The following NEDD4L variants were observed in gnomAD, a reference collection of about 807,000 sequenced individuals.
NEDD4L encodes E3 ubiquitin-protein ligase NEDD4-like.
NEDD4L carries 54 observed loss-of-function variants against 148.9 expected under a neutral mutation model. The observed-to-expected ratio is 0.36, with a 90% confidence interval of 0.29 to 0.45. The LOEUF is 0.45. NEDD4L is among the 20% of genes least tolerant of loss of function. NEDD4L has a pLI of 1.00. For synonymous variants in NEDD4L, 433 were observed against 440.7 expected (o/e 0.98, Z 0.22); for missense variants, 856 against 1,233.8 (o/e 0.69, Z 4.59).
chr18:58,396,005 G>A (rs2050449349), intron 30 of NEDD4L, among the ~76,000 whole-genome samples, 162 bp from the exon 31 acceptor site: 1 of 152,148 alleles, frequency 6.6e-6, no homozygotes, highest in Non-Finnish European at 1.5e-5. Flanking sequence ...CTTATTTAGT[G>A]TGGATGTTTC....
intron 2 of NEDD4L, among the ~76,000 whole-genome samples, chr18:58,180,745 A>G (rs2038768419): frequency 6.6e-6 from 1 of 152,236 alleles, no homozygotes; most frequent in Admixed American, 6.5e-5. Context: ...AGTGCCCATC[A>G]CATTGCTTTT....
intron 1 of NEDD4L, among the ~76,000 whole-genome samples, chr18:58,059,303 A>C (rs2082221915): frequency 6.6e-6 from 1 of 152,206 alleles, no homozygotes. Context: ...TTCTAAGTGA[A>C]AAGACCTCTC....
intron 1 of NEDD4L, among the ~76,000 whole-genome samples, chr18:58,153,528 T>C (rs950326576): frequency 3.9e-5 from 6 of 151,914 alleles, no homozygotes; most frequent in Non-Finnish European, 7.4e-5. Flanking sequence ...TTAGTAGATA[T>C]GGGGTTTCAC....
intron 5 of NEDD4L, among the ~76,000 whole-genome samples, chr18:58,264,158 A>G (rs1449690549): frequency 2.6e-5 from 4 of 152,066 alleles, no homozygotes; most frequent in Non-Finnish European, 5.9e-5. Context: ...TTTTTTGCTA[A>G]CTTCTTACTA....
At chr18:58,315,743 C>T (rs750990113) in intron 5 of NEDD4L, among the ~76,000 whole-genome samples, 8 of 152,194 alleles carry the variant, frequency 5.3e-5, no homozygotes, top group Admixed American at 3.3e-4. Context: ...TCTACAGAGG[C>T]TTCCATAGCA....
intron 1 of NEDD4L, among the ~76,000 whole-genome samples, chr18:58,066,151 C>T (rs1326473623): frequency 6.6e-6 from 1 of 152,186 alleles, no homozygotes; most frequent in Non-Finnish European, 1.5e-5. Context: ...CCCTAGTAGT[C>T]ACTTAAGTTG....
intron 2 of NEDD4L, among the ~76,000 whole-genome samples, chr18:58,200,363 A>G (rs1000171606): frequency 6.6e-5 from 10 of 150,436 alleles, no homozygotes; most frequent in Admixed American, 2.0e-4. Context: ...GCTACCAGCA[A>G]TGTGCTAGCT....
intron 15 of NEDD4L, among the ~76,000 whole-genome samples, chr18:58,342,075 CTTG>C (rs539624839): frequency 9.8e-5 from 15 of 152,318 alleles, no homozygotes; most frequent in African/African-American, 3.1e-4. Flanking sequence ...TTCCACCGTT[CTTG>C]TTGTGTTTCG....
At chr18:58,286,703 A>C (rs1253417460) in intron 5 of NEDD4L, among the ~76,000 whole-genome samples, 1 of 152,216 alleles carries the variant, frequency 6.6e-6, no homozygotes. Context: ...CTGGTAGCTG[A>C]TCCATAGCAC....
At chr18:58,266,313 G>A (rs561042609) in intron 5 of NEDD4L, among the ~76,000 whole-genome samples, 1 of 152,094 alleles carries the variant, frequency 6.6e-6, no homozygotes, top group South Asian at 2.1e-4. Context: ...TCTAACCTTA[G>A]AAGCAGAAAA....
chr18:58,246,132 C>T (rs2047240551), intron 3 of NEDD4L, among the ~76,000 whole-genome samples: 1 of 152,178 alleles, frequency 6.6e-6, no homozygotes, highest in Middle Eastern at 3.4e-3. Flanking sequence ...AAAACAGTAT[C>T]CTGAAAATGT....
At position 58,136,253 on chromosome 18, in the gene NEDD4L, C is replaced by T. The variant is rs1012131869; in HGVS notation, c.49-29535C>T. Among the ~76,000 whole-genome samples, 3 of 151,966 alleles carry T rather than the reference C, an allele frequency of 2.0e-5. No homozygotes were observed. The East Asian group carries it at 5.8e-4, about 29-fold the overall frequency. The stretch of plus-strand genomic sequence containing the variant: ...TCAGGGAAGATTGTTCACCCTGAGC[C>T]GAGAAAGTGGAGTTTCAAGTAAGAA... On this transcript the variant is annotated intron_variant, in intron 1 of 30. Transcript: ENST00000400345.
At chr18:58,140,617 T>C (rs12967665) in intron 1 of NEDD4L, among the ~76,000 whole-genome samples, 49,575 of 151,788 alleles carry the variant, frequency 0.33, 8,302 homozygotes, top group Non-Finnish European at 0.37. Flanking sequence ...TTGCTTCCTT[T>C]ATAGTAATGA....
chr18:58,327,765 A>G (rs896796689), intron 9 of NEDD4L, among the ~76,000 whole-genome samples: 1 of 152,150 alleles, frequency 6.6e-6, no homozygotes, highest in Non-Finnish European at 1.5e-5. Context: ...GACGATTTCA[A>G]CTTTTGAGAT....
intron 1 of NEDD4L, among the ~76,000 whole-genome samples, chr18:58,119,081 T>A (rs184634305): frequency 1.3e-5 from 2 of 152,224 alleles, no homozygotes; most frequent in African/African-American, 4.8e-5. Flanking sequence ...CAATAATGTT[T>A]CCTTCTCTTT....
At chr18:58,307,421 C>T (rs553784636) in intron 5 of NEDD4L, among the ~76,000 whole-genome samples, 2 of 152,232 alleles carry the variant, frequency 1.3e-5, no homozygotes, top group African/African-American at 4.8e-5. Flanking sequence ...TGACAAGGAC[C>T]CCTCTTAAGC....
chr18:58,119,413 G>A (rs1568242151), intron 1 of NEDD4L, among the ~76,000 whole-genome samples: 1 of 152,126 alleles, frequency 6.6e-6, no homozygotes, highest in African/African-American at 2.4e-5. Flanking sequence ...GGCCTCCCTG[G>A]AGTCTCTCTT....
chr18:58,374,573 G>A lies in NEDD4L; in HGVS notation c.2352+1304G>A, dbSNP rs116505536. Among the ~76,000 whole-genome samples the A allele has an allele frequency of 4.3e-3, 660 of 152,142 alleles. 2 individuals carry two copies. Among genetic ancestry groups the A allele is most frequent in the African/African-American group, 0.015 (632 of 41,478 alleles). ...GGACCTTGTGATGGGGCAGGGAGGGGTCTTTTCAGCTGCTGCCCCTCTGGT... is the reference window on the plus strand; with the variant it reads ...GGACCTTGTGATGGGGCAGGGAGGGATCTTTTCAGCTGCTGCCCCTCTGGT... On this transcript the variant is annotated intron_variant, in intron 24 of 30. Transcript: ENST00000400345.
At chr18:58,223,984 C>T (rs1215836700) in intron 2 of NEDD4L, among the ~76,000 whole-genome samples, 2 of 152,198 alleles carry the variant, frequency 1.3e-5, no homozygotes, top group African/African-American at 4.8e-5. Flanking sequence ...TGTGGGCAGG[C>T]GGTACCCAGA....
Sources: gnomAD v4.1 joint callset for allele counts (sites outside exome capture counted in the v4.1 genomes callset) on GRCh38, gnomAD v4.1.1 for gene constraint, MANE v1.5 for transcripts, NCBI Gene and HGNC (gene_info 2026-07-23, HGNC 2026-07-21) for gene names.